Variants in ADARB2 observed in about 807,000 individuals in gnomAD.
The protein encoded by ADARB2 is adenosine deaminase RNA specific B2 (inactive).
A neutral mutation model predicts 62.2 loss-of-function variants in ADARB2; 25 were observed. The ratio of observed to expected loss-of-function variants is 0.40; its 90% CI spans 0.29 to 0.56. The LOEUF is 0.56. ADARB2 is among the 20% of genes least tolerant of loss of function. The pLI is 0.43. For missense variants in ADARB2, 1,071 were observed against 1,077.4 expected (o/e 0.99, Z 0.08); for synonymous variants, 572 against 500.8 (o/e 1.14, Z -1.90).
chr10:1,220,255 G>C (rs1564225288), intron 6 of ADARB2, among the ~76,000 whole-genome samples: 18 of 145,010 alleles, frequency 1.2e-4, no homozygotes, highest in Non-Finnish European at 1.5e-5. Context: ...GGTGGTGGTG[G>C]TGATGATGGT....
At chr10:1,434,119 T>C (rs534004569) in intron 1 of ADARB2, among the ~76,000 whole-genome samples, 1 of 152,136 alleles carries the variant, frequency 6.6e-6, no homozygotes, top group African/African-American at 2.4e-5. Flanking sequence ...GGTGAAGCTA[T>C]TAGATTCCGA....
intron 3 of ADARB2, among the ~76,000 whole-genome samples, chr10:1,315,076 AGCCCTGAGTT>A (rs1305027221): frequency 6.6e-6 from 1 of 152,064 alleles, no homozygotes; most frequent in Non-Finnish European, 1.5e-5. Flanking sequence ...CTGGGCAGGG[AGCCCTGAGTT>A]CCTCTCCCCA....
intron 1 of ADARB2, among the ~76,000 whole-genome samples, chr10:1,631,791 T>C (rs1439655159): frequency 1.3e-5 from 2 of 152,222 alleles, no homozygotes; most frequent in Non-Finnish European, 2.9e-5. Flanking sequence ...ATTTTTTAAA[T>C]GGTAATTTGT....
intron 7 of ADARB2, among the ~76,000 whole-genome samples, chr10:1,214,481 C>G (rs1050169618): frequency 2.8e-4 from 42 of 147,466 alleles, no homozygotes; most frequent in Non-Finnish European, 5.8e-4. Context: ...GCCCCTGTGC[C>G]TGGACCTTCT....
intron 1 of ADARB2, among the ~76,000 whole-genome samples, chr10:1,482,836 G>A (rs921305828): frequency 2.6e-5 from 4 of 152,088 alleles, no homozygotes; most frequent in East Asian, 1.9e-4. Flanking sequence ...TAGGTTTCTC[G>A]GGGGCCATGG....
intron 1 of ADARB2, among the ~76,000 whole-genome samples, chr10:1,525,647 G>A (rs562538266): frequency 6.6e-6 from 1 of 152,312 alleles, no homozygotes; most frequent in East Asian, 1.9e-4. Flanking sequence ...GAGGAAGACA[G>A]CCTGGGAAGA....
chr10:1,416,643 C>G (rs1711093836), intron 1 of ADARB2, among the ~76,000 whole-genome samples: 1 of 152,240 alleles, frequency 6.6e-6, no homozygotes, highest in Non-Finnish European at 1.5e-5. Flanking sequence ...CCAGGCTGCC[C>G]TGATGCACAC....
chr10:1,314,755 G>T (rs1281174576), intron 3 of ADARB2, among the ~76,000 whole-genome samples: 2 of 152,182 alleles, frequency 1.3e-5, no homozygotes, highest in African/African-American at 4.8e-5. Context: ...CCAAACAGAA[G>T]CAACAAAAGT....
chr10:1,464,416 C>T (rs546086595), intron 1 of ADARB2, among the ~76,000 whole-genome samples: 99 of 126,918 alleles, frequency 7.8e-4, no homozygotes, highest in African/African-American at 2.9e-3. Context: ...CCCACACACG[C>T]GCGGGGGCCA....
chr10:1,655,483 C>A (rs1218780202), intron 1 of ADARB2, among the ~76,000 whole-genome samples: 1 of 152,188 alleles, frequency 6.6e-6, no homozygotes, highest in African/African-American at 2.4e-5. Flanking sequence ...CCTAATTATA[C>A]CTAATTTGCT....
chr10:1,736,111 A>T (rs1835297241), intron 1 of ADARB2, among the ~76,000 whole-genome samples: 1 of 152,196 alleles, frequency 6.6e-6, no homozygotes, highest in Non-Finnish European at 1.5e-5. Context: ...ATTTCAAATC[A>T]TGATTAGAAC....
intron 1 of ADARB2, among the ~76,000 whole-genome samples, chr10:1,483,447 A>G (rs1458011745): frequency 6.6e-6 from 1 of 152,232 alleles, no homozygotes; most frequent in African/African-American, 2.4e-5. Flanking sequence ...ACAATGGTAC[A>G]GTCGTTTCGT....
intron 1 of ADARB2, among the ~76,000 whole-genome samples, chr10:1,681,886 C>A (rs1834541437): frequency 6.6e-6 from 1 of 152,178 alleles, no homozygotes; most frequent in African/African-American, 2.4e-5. Context: ...TCCGCAGAGA[C>A]TCAAGGGTGT....
chr10:1,266,221 C>T (rs1831198469), intron 4 of ADARB2, among the ~76,000 whole-genome samples: 2 of 152,194 alleles, frequency 1.3e-5, no homozygotes, highest in Admixed American at 6.5e-5. Flanking sequence ...CAAAGCTTCC[C>T]AGTGGAAGAG....
chr10:1,358,417 C>T (rs918585833), intron 3 of ADARB2, among the ~76,000 whole-genome samples: 6 of 152,300 alleles, frequency 3.9e-5, no homozygotes, highest in African/African-American at 1.4e-4. Flanking sequence ...CAGCTTCTCC[C>T]AGGGACTTCA....
intron 1 of ADARB2, among the ~76,000 whole-genome samples, chr10:1,507,714 G>T (rs1370821112): frequency 4.6e-5 from 7 of 152,194 alleles, no homozygotes; most frequent in Non-Finnish European, 1.0e-4. Flanking sequence ...GTCTGAAGGG[G>T]TTTCCCCCGC....
intron 1 of ADARB2, among the ~76,000 whole-genome samples, chr10:1,404,832 A>T (rs1832693416): frequency 6.6e-6 from 1 of 152,194 alleles, no homozygotes; most frequent in Non-Finnish European, 1.5e-5. Flanking sequence ...AACAGAATAT[A>T]TTAGGAGCAA....
intron 4 of ADARB2, among the ~76,000 whole-genome samples, chr10:1,253,184 C>T (rs372666107): frequency 4.6e-5 from 7 of 152,252 alleles, no homozygotes; most frequent in South Asian, 2.1e-4. Flanking sequence ...GCAAAAATGC[C>T]GCCATCTTTA....
intron 3 of ADARB2, among the ~76,000 whole-genome samples, chr10:1,319,175 C>G (rs963299222): frequency 6.6e-6 from 1 of 152,108 alleles, no homozygotes; most frequent in African/African-American, 2.4e-5. Flanking sequence ...CACAGAGATA[C>G]AGCATATAGT....
Sources: allele counts gnomAD v4.1 joint callset (sites outside exome capture counted in the v4.1 genomes callset), GRCh38; gene constraint gnomAD v4.1.1; transcripts MANE v1.5; gene names NCBI Gene and HGNC (gene_info 2026-07-23, HGNC 2026-07-21).